COLEC12: variants seen among roughly 807,000 people sequenced by gnomAD.
COLEC12 encodes collectin-12.
Under a neutral mutation model 71.1 loss-of-function variants are expected in COLEC12, and 33 were observed. The ratio of observed to expected loss-of-function variants is 0.46; its 90% confidence interval spans 0.35 to 0.62. The LOEUF is 0.62. Among genes scored for constraint, COLEC12 ranks in the 20% least tolerant of loss-of-function variants. COLEC12 has a pLI of 0.00. For synonymous variants in COLEC12, 350 were observed against 353.0 expected (o/e 0.99, Z 0.10); for missense variants, 765 against 916.1 (o/e 0.84, Z 2.13).
chr18:493,433 C>T (rs9952192), intron 1 of COLEC12, among the ~76,000 whole-genome samples: 13,675 of 152,170 alleles, frequency 0.09, 664 homozygotes, highest in Admixed American at 0.14. Flanking sequence ...AAATATAATT[C>T]AAGATATGAA....
intron 2 of COLEC12, among the ~76,000 whole-genome samples, chr18:424,890 G>C (rs988352862): frequency 1.3e-5 from 2 of 152,216 alleles, no homozygotes; most frequent in African/African-American, 4.8e-5. Context: ...AGGTAGAGGA[G>C]TGAATGCCAT....
At chr18:333,216 C>T in intron 6 of COLEC12, 73 bp from the exon 7 acceptor site, 1 of 1,353,064 alleles carries the variant, frequency 7.4e-7, no homozygotes, top group Non-Finnish European at 1.0e-6. Context: ...AGCTGTGTTT[C>T]AGAGGCCAAA....
intron 8 of COLEC12, among the ~76,000 whole-genome samples, chr18:326,649 T>C (rs1450067745): frequency 2.0e-5 from 3 of 152,210 alleles, no homozygotes. Context: ...ATGCCTGGCC[T>C]GATAGTTTTG....
chr18:343,990 A>G (rs936397451), intron 5 of COLEC12, among the ~76,000 whole-genome samples: 2 of 152,238 alleles, frequency 1.3e-5, no homozygotes, highest in African/African-American at 4.8e-5. Flanking sequence ...TCATGTCCTT[A>G]CTTGGCTGAT....
At chr18:472,701 A>AG (rs1555622342) in intron 2 of COLEC12, among the ~76,000 whole-genome samples, 6 of 144,252 alleles carry the variant, frequency 4.2e-5, no homozygotes, top group East Asian at 2.3e-4. Flanking sequence ...AAAAAAAAAA[A>AG]AAGAAGAAGA....
intron 2 of COLEC12, among the ~76,000 whole-genome samples, chr18:465,798 C>T (rs565136648): frequency 1.3e-3 from 201 of 152,282 alleles, no homozygotes; most frequent in African/African-American, 4.7e-3. Flanking sequence ...TATGGCCGGG[C>T]ACAGTGGCTC....
At chr18:419,362 C>A (rs1048996867) in intron 2 of COLEC12, among the ~76,000 whole-genome samples, 3 of 152,144 alleles carry the variant, frequency 2.0e-5, no homozygotes, top group Admixed American at 2.0e-4. Context: ...CATGCCACCA[C>A]ACTAGGCTAA....
At chr18:455,064 T>C (rs1369065152) in intron 2 of COLEC12, among the ~76,000 whole-genome samples, 1 of 152,114 alleles carries the variant, frequency 6.6e-6, no homozygotes, top group Admixed American at 6.6e-5. Flanking sequence ...CCCTCACCAG[T>C]AGAGCCACCT....
intron 3 of COLEC12, among the ~76,000 whole-genome samples, chr18:350,870 G>A (rs1375210157): frequency 6.7e-6 from 1 of 148,942 alleles, no homozygotes; most frequent in Non-Finnish European, 1.5e-5. Flanking sequence ...GGAACCAGGA[G>A]AATTGCTTGA....
intron 3 of COLEC12, among the ~76,000 whole-genome samples, chr18:348,759 G>A (rs1567880251): frequency 6.6e-6 from 1 of 152,208 alleles, no homozygotes; most frequent in Non-Finnish European, 1.5e-5. Context: ...TAGTTTGTCA[G>A]TTCTCAAGTA....
At chr18:454,771 C>T (rs779753628) in intron 2 of COLEC12, among the ~76,000 whole-genome samples, 4 of 152,182 alleles carry the variant, frequency 2.6e-5, no homozygotes, top group Non-Finnish European at 4.4e-5. Context: ...ATTTGAATGA[C>T]GGTTTTCGAT....
chr18:436,585 T>C lies in COLEC12; in HGVS notation c.58+44122A>G, dbSNP rs1047713578. 3.5e-4 allele frequency among the ~76,000 whole-genome samples: 53 copies of C among 149,422 alleles called. 2 individuals carry two copies. The highest frequency in any genetic ancestry group is 3.0e-5 in the Non-Finnish European group (2 of 67,708). Reference sequence around the variant, plus strand: ...AATTTAGATTTGGAGTTTTATGTTATAAAGGTAGATTTGGTGTAGATATTA... The same window carrying C: ...AATTTAGATTTGGAGTTTTATGTTACAAAGGTAGATTTGGTGTAGATATTA... On this transcript the variant is annotated intron_variant, in intron 2 of 9. Transcript: ENST00000400256.
rs140111949 is a variant in COLEC12, at chr18:350,305, G to A, written c.182-2142C>T. Among the ~76,000 whole-genome samples the A allele has an allele frequency of 4.4e-3, 676 of 152,120 alleles. 5 individuals carry two copies. The highest frequency in any genetic ancestry group is 0.011 in the Admixed American group (171 of 15,286). The stretch of plus-strand genomic sequence containing the variant: ...TTTCTCACTTTCTCTTGCTGCTGCC[G>A]TGTAAGAAGTGCCTTTTGCCTCCCA... On this transcript the variant is annotated intron_variant, in intron 3 of 9. Transcript: ENST00000400256.
At chr18:357,575 T>C in intron 2 of COLEC12, 53 bp from the exon 3 acceptor site, 10 of 1,441,540 alleles carry the variant, frequency 6.9e-6, no homozygotes, top group Non-Finnish European at 8.4e-6. Flanking sequence ...CATTTTAAAA[T>C]TTATCTTTTT....
chr18:463,163 C>T (rs1350555313), intron 2 of COLEC12, among the ~76,000 whole-genome samples: 1 of 152,166 alleles, frequency 6.6e-6, no homozygotes, highest in Admixed American at 6.5e-5. Context: ...CCTCTGCAGG[C>T]TTTCAGCATC....
chr18:401,618 T>C (rs979927788), intron 2 of COLEC12, among the ~76,000 whole-genome samples: 1 of 152,232 alleles, frequency 6.6e-6, no homozygotes, highest in Non-Finnish European at 1.5e-5. Context: ...GGAGGGCCAG[T>C]GTTCTGGCCT....
intron 2 of COLEC12, among the ~76,000 whole-genome samples, chr18:470,291 G>A (rs1233692373): frequency 6.9e-6 from 1 of 144,778 alleles, no homozygotes; most frequent in East Asian, 2.1e-4. Flanking sequence ...GAGTGCAGTG[G>A]TGCAATCTTG....
At chr18:378,301 G>A (rs1485821408) in intron 2 of COLEC12, among the ~76,000 whole-genome samples, 1 of 152,172 alleles carries the variant, frequency 6.6e-6, no homozygotes, top group African/African-American at 2.4e-5. Context: ...AGAGCTGAGG[G>A]CACATCAGAA....
intron 3 of COLEC12, among the ~76,000 whole-genome samples, chr18:355,603 CAT>C (rs1370935687): frequency 6.6e-6 from 1 of 152,176 alleles, no homozygotes; most frequent in Non-Finnish European, 1.5e-5. Flanking sequence ...AAAATTACAA[CAT>C]GTTATATATT....
Sources: gnomAD v4.1 joint callset for allele counts (sites outside exome capture counted in the v4.1 genomes callset) on GRCh38, gnomAD v4.1.1 for gene constraint, MANE v1.5 for transcripts, NCBI Gene and HGNC (gene_info 2026-07-23, HGNC 2026-07-21) for gene names.